Variants in PEX13 observed in about 807,000 individuals in gnomAD.
PEX13 encodes peroxisomal biogenesis factor 13.
A neutral mutation model predicts 34.5 loss-of-function variants in PEX13; 28 were observed. The ratio of observed to expected loss-of-function variants is 0.81; its 90% confidence interval spans 0.60 to 1.11. PEX13 has a LOEUF of 1.11. Among genes scored for constraint, PEX13 ranks in the 50% most tolerant of loss-of-function variants. The pLI is 0.00. For missense variants in PEX13, 550 were observed against 491.0 expected, an observed-to-expected ratio of 1.12 and a Z score of -1.13; for synonymous variants, 177 against 175.1, an observed-to-expected ratio of 1.01 and a Z score of -0.09.
chr2:61,023,376 A>T (rs542994073), intron 1 of PEX13, among the ~76,000 whole-genome samples: 1 of 150,724 alleles, frequency 6.6e-6, no homozygotes, highest in African/African-American at 2.4e-5. Flanking sequence ...TAGCTTTATT[A>T]TATTGTAACC....
chr2:61,026,960 A>G (rs570870515), intron 1 of PEX13, among the ~76,000 whole-genome samples: 17 of 151,322 alleles, frequency 1.1e-4, no homozygotes, highest in African/African-American at 3.7e-4. Context: ...CCCTCTCTCT[A>G]TCTAATAGGT....
intron 1 of PEX13, among the ~76,000 whole-genome samples, chr2:61,025,340 CATTATT>C (rs528675719): frequency 2.0e-5 from 3 of 146,508 alleles, no homozygotes; most frequent in African/African-American, 7.6e-5. Flanking sequence ...TAAGCCCTAT[CATTATT>C]ATTATTATTA....
chr2:61,046,000 A>G (rs1680699373), intron 3 of PEX13, 149 bp downstream of exon 3: 4 of 706,294 alleles, frequency 5.7e-6, no homozygotes, highest in Non-Finnish European at 9.8e-6. Flanking sequence ...TAGAGCTTCC[A>G]AATCTGGAGG....
In PEX13 at chr2:61,017,800, C is replaced by T; in HGVS notation, c.41C>T (p.Thr14Ile). 2 of 1,550,520 alleles carry T rather than the reference C, an allele frequency of 1.3e-6. No individual in the cohort carries two copies. Among genetic ancestry groups the T allele is most frequent in the African/African-American group, 1.4e-5 (1 of 73,176 alleles). Residue 14 changes from threonine to isoleucine, a missense_variant, in exon 1 of 4, where the codon ACC becomes ATC. Physicochemically the swap from Thr to Ile is moderately conservative, Grantham distance 89. Coordinates refer to ENST00000295030, the MANE Select transcript of PEX13 (RefSeq NM_002618.4). Reference protein sequence around the residue: ...QPPPPPKPWETRRIPGAGPGP... With the variant: ...QPPPPPKPWEIRRIPGAGPGP... ...CCACCTCCCCCCAAACCCTGGGAGACCCGCCGAATTCCGGGAGCCGGACCG... is the reference window on the plus strand; with the variant it reads ...CCACCTCCCCCCAAACCCTGGGAGATCCGCCGAATTCCGGGAGCCGGACCG...
intron 2 of PEX13, among the ~76,000 whole-genome samples, chr2:61,035,064 A>AG (rs1680513782): frequency 2.0e-5 from 3 of 152,216 alleles, no homozygotes; most frequent in Admixed American, 1.3e-4. Flanking sequence ...ACCTCACAGT[A>AG]GGGGTCAACA....
chr2:61,021,509 CG>C (rs1417786665), intron 1 of PEX13, among the ~76,000 whole-genome samples: 2 of 152,208 alleles, frequency 1.3e-5, no homozygotes, highest in Non-Finnish European at 2.9e-5. Flanking sequence ...GTAAACAGAG[CG>C]CCCAGGAAGC....
At chr2:61,035,826 A>C (rs1453070468) in intron 2 of PEX13, among the ~76,000 whole-genome samples, 1 of 152,062 alleles carries the variant, frequency 6.6e-6, no homozygotes, top group Non-Finnish European at 1.5e-5. Flanking sequence ...TCTACTAAAA[A>C]TACAAAATTA....
At chr2:61,022,030 A>G (rs1032170367) in intron 1 of PEX13, among the ~76,000 whole-genome samples, 4 of 152,202 alleles carry the variant, frequency 2.6e-5, no homozygotes, top group Non-Finnish European at 5.9e-5. Context: ...TAGGTTACCA[A>G]CATCAAAGAC....
In PEX13 at chr2:61,031,587, T is replaced by C. The variant is rs777355790; in HGVS notation, c.261T>C (p.Asn87=). 1 of 1,614,190 alleles carries C rather than the reference T, an allele frequency of 6.2e-7. No homozygotes were observed. The highest frequency in any genetic ancestry group is 2.2e-5 in the East Asian group (1 of 44,880). ...SFSSGYGAYG[N]SFYGGYSPYS... ...CTTCTGGATATGGTGCCTATGGAAA[T>C]TCATTTTATGGAGGCTATAGTCCTT... Residue 87 remains asparagine, a synonymous_variant, in exon 2 of 4, where the codon AAT becomes AAC. Transcript: ENST00000295030.
intron 2 of PEX13, among the ~76,000 whole-genome samples, chr2:61,043,271 C>G (rs538106219): frequency 7.0e-6 from 1 of 141,868 alleles, no homozygotes; most frequent in Non-Finnish European, 1.5e-5. Context: ...CCGAGGCGGG[C>G]GGATCATGAG....
intron 2 of PEX13, among the ~76,000 whole-genome samples, chr2:61,036,586 T>G (rs915622372): frequency 9.8e-5 from 15 of 152,308 alleles, no homozygotes; most frequent in South Asian, 4.1e-4. Context: ...GAGAGATTTT[T>G]TCACCACCAG....
rs1351704766 is a variant in PEX13, at chr2:61,017,869, C to A, written c.92+18C>A. ...ACTTTCCAGTGAGTGTGGGATTCTT[C>A]AGGCTGTGAGTTTAGTGGGCCCGAG... On this transcript the variant is annotated intron_variant, in intron 1 of 3. Transcript: ENST00000295030. The A allele has an allele frequency of 1.9e-6, 3 of 1,548,974 alleles. No homozygotes were observed. The highest frequency in any genetic ancestry group is 2.6e-6 in the Non-Finnish European group (3 of 1,145,604).
At chr2:61,038,277 C>G (rs1680567713) in intron 2 of PEX13, among the ~76,000 whole-genome samples, 1 of 152,174 alleles carries the variant, frequency 6.6e-6, no homozygotes, top group African/African-American at 2.4e-5. Context: ...CATCCTGATA[C>G]CAGAGCCTGG....
intron 2 of PEX13, among the ~76,000 whole-genome samples, chr2:61,036,065 G>T (rs1680529748): frequency 6.6e-6 from 1 of 150,752 alleles, no homozygotes; most frequent in Non-Finnish European, 1.5e-5. Flanking sequence ...AATAAAACAA[G>T]AATACAAGAT....
At chr2:61,030,392 A>G (rs1023799265) in intron 1 of PEX13, among the ~76,000 whole-genome samples, 5 of 152,148 alleles carry the variant, frequency 3.3e-5, no homozygotes, top group Admixed American at 6.5e-5. Flanking sequence ...CTGGTTTCTT[A>G]TTTCAGCTCT....
chr2:61,042,870 A>G (rs192876684), intron 2 of PEX13, among the ~76,000 whole-genome samples: 45 of 152,348 alleles, frequency 3.0e-4, no homozygotes, highest in Admixed American at 2.5e-3. Context: ...AACATGGCCA[A>G]CTTAAAATAA....
At chr2:61,018,832 G>A (rs1359467897) in intron 1 of PEX13, 1 of 152,088 alleles carries the variant, frequency 6.6e-6, no homozygotes, top group African/African-American at 2.4e-5. Flanking sequence ...TTTTTGAGTG[G>A]GTTCTTTTTT....
rs1063938 is a variant in PEX13 at position 61,031,878 on chromosome 2, G to A, written c.552G>A (p.Leu184=). Reference sequence around the variant, plus strand: ...CAAAAGTGTTTTCAGCTTTTGCATTGGTTAGGACTATACGGTATCTTTACA... The same window carrying A: ...CAAAAGTGTTTTCAGCTTTTGCATTAGTTAGGACTATACGGTATCTTTACA... ...HFTKVFSAFA[L]VRTIRYLYRR... Residue 184 remains leucine (L), a synonymous_variant, in exon 2 of 4, where the codon TTG becomes TTA. Coordinates refer to ENST00000295030, the MANE Select transcript of PEX13 (RefSeq NM_002618.4). The A allele has an allele frequency of 6.2e-7, 1 of 1,613,070 alleles. No individual in the cohort carries two copies.
chr2:61,041,155 C>T (rs1267832239), intron 2 of PEX13, among the ~76,000 whole-genome samples: 2 of 152,088 alleles, frequency 1.3e-5, no homozygotes, highest in Non-Finnish European at 2.9e-5. Flanking sequence ...ATAGGGAAAA[C>T]CTGTCTCTAC....
Sources: allele counts gnomAD v4.1 joint callset (sites outside exome capture counted in the v4.1 genomes callset), GRCh38; gene constraint gnomAD v4.1.1; transcripts MANE v1.5; gene names NCBI Gene and HGNC (gene_info 2026-07-23, HGNC 2026-07-21).